Variants in PEX3 observed in about 807,000 individuals in gnomAD.
PEX3 encodes peroxin-3.
In PEX3, 30 loss-of-function variants were observed where a neutral mutation model predicts 55.8. The observed-to-expected ratio is 0.54, with a 90% confidence interval of 0.40 to 0.73. PEX3 has a LOEUF of 0.73. PEX3 is among the 30% of genes least tolerant of loss of function. The probability of loss-of-function intolerance (pLI) is 0.00; values close to 1 mark genes in which losing one functional copy is unlikely to be tolerated. For synonymous variants in PEX3, 135 were observed against 148.4 expected (o/e 0.91, Z 0.66); for missense variants, 351 against 432.8 (o/e 0.81, Z 1.68).
In PEX3 at chr6:143,471,701, A is replaced by C; in HGVS notation, c.578+90A>C. ...GTTCTAGTGAAACCAGTGACTTGAC[A>C]AACGGTGATTTGTGAAACTCTTTGT... On this transcript the variant is annotated intron_variant, in intron 7 of 11. Transcript: ENST00000367591. The surrounding 1 kb of genome is among the most constrained non-coding windows in gnomAD (Gnocchi z 5.4). The C allele has an allele frequency of 1.1e-6, 1 of 914,002 alleles. No individual in the cohort carries two copies. The highest frequency in any genetic ancestry group is 1.8e-6 in the Non-Finnish European group (1 of 546,338). 56.6% of individuals were successfully genotyped at this position (914,002 alleles called of 1,614,324 possible). A position where few individuals can be genotyped will look rare whatever the true frequency, so the allele number is the denominator to read the frequency against.
At chr6:143,467,010 A>G (rs1052361458) in intron 3 of PEX3, among the ~76,000 whole-genome samples, 7 of 152,052 alleles carry the variant, frequency 4.6e-5, no homozygotes, top group African/African-American at 1.7e-4. Flanking sequence ...TAACCTAAAT[A>G]TGATTCTTGT....
In PEX3 at chr6:143,465,326, G is replaced by T. The variant is rs1195920480; in HGVS notation, c.287+2329G>T. 6.6e-6 allele frequency among the ~76,000 whole-genome samples: 1 copy of T among 151,706 alleles called. No individual in the cohort carries two copies. The highest frequency in any genetic ancestry group is 2.4e-5 in the African/African-American group (1 of 41,324). On this transcript the variant is annotated intron_variant, in intron 3 of 11. Coordinates refer to ENST00000367591, the MANE Select transcript of PEX3 (RefSeq NM_003630.3). This position sits in a 1 kb window ranked among gnomAD's most constrained non-coding sequence, Gnocchi z 4.7. ...CAGTATTTAAAAATCTACTTTTAAG[G>T]TCTAATAATGTTAAGTGTAAACATG... is the stretch of plus-strand genomic sequence containing the variant.
intron 3 of PEX3, 30 bp from the exon 4 acceptor site, chr6:143,468,092 A>G: frequency 8.4e-7 from 1 of 1,188,632 alleles, no homozygotes; most frequent in South Asian, 1.3e-5. Flanking sequence ...CTAGATTATT[A>G]TTTTCATATT....
intron 1 of PEX3, among the ~76,000 whole-genome samples, chr6:143,456,761 T>C (rs1779850522): frequency 6.6e-6 from 1 of 152,204 alleles, no homozygotes; most frequent in South Asian, 2.1e-4. Flanking sequence ...CCAAATAAGG[T>C]CACATTCTGA....
At position 143,462,087 on chromosome 6, in the gene PEX3, T is replaced by C. The variant is rs1779927946; in HGVS notation, c.206-829T>C. Among the ~76,000 whole-genome samples, 1 of 152,250 alleles carries C rather than the reference T, an allele frequency of 6.6e-6. No individual in the cohort carries two copies. Among genetic ancestry groups the C allele is most frequent in the African/African-American group, 2.4e-5 (1 of 41,474 alleles). On this transcript the variant is annotated intron_variant, in intron 2 of 11. Transcript: ENST00000367591. The surrounding 1 kb of genome is among the most constrained non-coding windows in gnomAD (Gnocchi z 4.1). ...TCTCTAATCCCATGACAGATTCTTA[T>C]TCTCCAGCATTTCTTATTCCACATG...
chr6:143,472,312 C>T lies in PEX3; in HGVS notation c.731C>T (p.Thr244Ile). 6.2e-7 allele frequency: 1 copy of T among 1,608,652 alleles called. No homozygotes were observed. Among genetic ancestry groups the T allele is most frequent in the Non-Finnish European group, 8.5e-7 (1 of 1,175,744 alleles). ...CATTATATGATGCCAGATGAAGAAA[C>T]TCCATTAGCAGTGCAGGTGCTTAAT... is the stretch of plus-strand genomic sequence containing the variant. ...LCHYMMPDEE[T>I]PLAVQACGLS... Residue 244 changes from threonine to isoleucine, a missense_variant, in exon 8 of 12, where the codon ACT becomes ATT. Physicochemically the swap from Thr to Ile is moderately conservative, Grantham distance 89. Coordinates refer to ENST00000367591, the MANE Select transcript of PEX3 (RefSeq NM_003630.3).
At position 143,487,603 on chromosome 6, in the gene PEX3, T is replaced by C. The variant is rs908674747; in HGVS notation, c.1039-1540T>C. On this transcript the variant is annotated intron_variant, in intron 11 of 11. Transcript: ENST00000367591. This position sits in a 1 kb window ranked among gnomAD's most constrained non-coding sequence, Gnocchi z 5.3. Reference sequence around the variant, plus strand: ...TAGAATCTAAATTACAAAAAAAGATTGTTCTATAATATGGCTGACGTCTAC... The same window carrying C: ...TAGAATCTAAATTACAAAAAAAGATCGTTCTATAATATGGCTGACGTCTAC... 2.0e-5 allele frequency among the ~76,000 whole-genome samples: 3 copies of C among 152,154 alleles called. No individual in the cohort carries two copies. Among genetic ancestry groups the C allele is most frequent in the African/African-American group, 7.2e-5 (3 of 41,450 alleles).
At position 143,459,057 on chromosome 6, in the gene PEX3, G is replaced by A. The variant is rs1339888327; in HGVS notation, c.74-28G>A. 2 of 1,488,570 alleles carry A rather than the reference G, an allele frequency of 1.3e-6. No homozygotes were observed. Among genetic ancestry groups the A allele is most frequent in the Admixed American group, 1.7e-5 (1 of 59,626 alleles). 92.2% of individuals were successfully genotyped at this position (1,488,570 alleles called of 1,614,324 possible). On this transcript the variant is annotated intron_variant, in intron 1 of 11. Coordinates refer to ENST00000367591, the MANE Select transcript of PEX3 (RefSeq NM_003630.3). The surrounding 1 kb of genome is among the most constrained non-coding windows in gnomAD (Gnocchi z 4.2). Reference sequence around the variant, plus strand: ...TGTGTAGAATTTTTGGTACTCTAATGAATATAGTACTTTTTTAATGATTGT... The same window carrying A: ...TGTGTAGAATTTTTGGTACTCTAATAAATATAGTACTTTTTTAATGATTGT...
chr6:143,480,271 T>A (rs1203162767), intron 10 of PEX3, among the ~76,000 whole-genome samples: 2 of 152,206 alleles, frequency 1.3e-5, no homozygotes, highest in African/African-American at 4.8e-5. Flanking sequence ...CTCCAATTAG[T>A]AAAATTTCAC....
At position 143,462,988 on chromosome 6, in the gene PEX3, T is replaced by TA; in HGVS notation, c.284dup (p.Asn95LysfsTer50). On this transcript the variant is annotated frameshift_variant, in exon 3 of 12. Transcript: ENST00000367591. LOFTEE classifies it high-confidence loss of function. This position sits in a 1 kb window ranked among gnomAD's most constrained non-coding sequence, Gnocchi z 4.1. The stretch of plus-strand genomic sequence containing the variant: ...AATTCCGAGAGCCTCACAGCTCTGC[T>TA]AAAAAACAGGTAAATGCAAGTTACA... The TA allele has an allele frequency of 4.3e-6, 7 of 1,611,784 alleles. No individual in the cohort carries two copies. The highest frequency in any genetic ancestry group is 5.9e-6 in the Non-Finnish European group (7 of 1,177,904).
rs1033332435 is a variant in PEX3, at chr6:143,487,896, G to A, written c.1039-1247G>A. Among the ~76,000 whole-genome samples, 3 of 152,008 alleles carry A rather than the reference G, an allele frequency of 2.0e-5. No homozygotes were observed. Among genetic ancestry groups the A allele is most frequent in the Admixed American group, 6.6e-5 (1 of 15,240 alleles). The stretch of plus-strand genomic sequence containing the variant: ...AATAAGAACATAAATATAAACAAAT[G>A]CCCTAAAATCAGGAACAATAGTAGG... On this transcript the variant is annotated intron_variant, in intron 11 of 11. Transcript: ENST00000367591. This position sits in a 1 kb window ranked among gnomAD's most constrained non-coding sequence, Gnocchi z 5.3.
chr6:143,468,004 A>G (rs974984677), intron 3 of PEX3, 118 bp from the exon 4 acceptor site: 28 of 606,190 alleles, frequency 4.6e-5, no homozygotes, highest in African/African-American at 1.9e-5. Context: ...GCTTTTCTGC[A>G]GTTATGCTGT....
Position 143,471,666 on chromosome 6 carries a change from A to G in PEX3, c.578+55A>G, listed in dbSNP as rs1010089481. 1.6e-6 allele frequency: 2 copies of G among 1,255,610 alleles called. No individual in the cohort carries two copies. The highest frequency in any genetic ancestry group is 2.3e-6 in the Non-Finnish European group (2 of 854,596). The allele number at this position is 1,255,610 out of a possible 1,614,324, so 77.8% of individuals were successfully genotyped here. On this transcript the variant is annotated intron_variant, in intron 7 of 11. Transcript: ENST00000367591. The surrounding 1 kb of genome is among the most constrained non-coding windows in gnomAD (Gnocchi z 5.4). Reference sequence around the variant, plus strand: ...TTCTTGATTCTAATGAGTGAAAGAAAATTAGAATTGTTCTAGTGAAACCAG... The same window carrying G: ...TTCTTGATTCTAATGAGTGAAAGAAGATTAGAATTGTTCTAGTGAAACCAG...
rs1780001515 is a variant in PEX3, at chr6:143,466,994, T to C, written c.288-1128T>C. ...GTCCAAAAATATATAGTACCATAAA[T>C]CAAATTAACCTAAATATGATTCTTG... is the stretch of plus-strand genomic sequence containing the variant. On this transcript the variant is annotated intron_variant, in intron 3 of 11. Transcript: ENST00000367591. The surrounding 1 kb of genome is among the most constrained non-coding windows in gnomAD (Gnocchi z 5.4). Among the ~76,000 whole-genome samples the C allele has an allele frequency of 6.6e-6, 1 of 151,978 alleles. No homozygotes were observed. Among genetic ancestry groups the C allele is most frequent in the South Asian group, 2.1e-4 (1 of 4,828 alleles).
At position 143,483,962 on chromosome 6, in the gene PEX3, C is replaced by T. The variant is rs1042225890; in HGVS notation, c.942-1190C>T. ...AAAGGTACCATGAAAAAAAAAATGC[C>T]TGCTTCCCTCAGGAATACATAAATC... On this transcript the variant is annotated intron_variant, in intron 10 of 11. Transcript: ENST00000367591. The surrounding 1 kb of genome is among the most constrained non-coding windows in gnomAD (Gnocchi z 4.3). 6.6e-6 allele frequency among the ~76,000 whole-genome samples: 1 copy of T among 151,854 alleles called. No individual in the cohort carries two copies.
At position 143,482,630 on chromosome 6, in the gene PEX3, G is replaced by A. The variant is rs1780257109; in HGVS notation, c.942-2522G>A. The stretch of plus-strand genomic sequence containing the variant: ...TTTTCCTATATAATATATAATATAA[G>A]GTATAATTATTGTTACTCATAAAAT... On this transcript the variant is annotated intron_variant, in intron 10 of 11. Coordinates refer to ENST00000367591, the MANE Select transcript of PEX3 (RefSeq NM_003630.3). The surrounding 1 kb of genome is among the most constrained non-coding windows in gnomAD (Gnocchi z 5.5). Among the ~76,000 whole-genome samples, 1 of 151,570 alleles carries A rather than the reference G, an allele frequency of 6.6e-6. No individual in the cohort carries two copies. The highest frequency in any genetic ancestry group is 2.4e-5 in the African/African-American group (1 of 41,262).
In PEX3 at chr6:143,479,134, G is replaced by C. The variant is rs781311884; in HGVS notation, c.877G>C (p.Asp293His). 4 of 1,597,516 alleles carry C rather than the reference G, an allele frequency of 2.5e-6. No homozygotes were observed. Among genetic ancestry groups the C allele is most frequent in the Non-Finnish European group, 2.6e-6 (3 of 1,165,168 alleles). ...AAACCGAGGTTTTAGTAGACTTCTA[G>C]ACAATATGGCTGAGTTCTTTCGACC... Reference protein sequence around the residue: ...CLNRGFSRLLDNMAEFFRPTE... With the variant: ...CLNRGFSRLLHNMAEFFRPTE... The change falls in exon 10 of 12, where the codon GAC (aspartate) becomes CAC (histidine). Residue 293 changes from aspartate to histidine, a missense_variant. Transcript: ENST00000367591. This position sits in a 1 kb window ranked among gnomAD's most constrained non-coding sequence, Gnocchi z 4.6.
chr6:143,474,500 C>T (rs1415750290), intron 8 of PEX3, among the ~76,000 whole-genome samples: 1 of 151,674 alleles, frequency 6.6e-6, no homozygotes, highest in Non-Finnish European at 1.5e-5. Flanking sequence ...AACTCAAAAC[C>T]TATTTCTTCT....
rs1780249569 is a variant in PEX3 at position 143,482,071 on chromosome 6, T to G, written c.941+2873T>G. Among the ~76,000 whole-genome samples, 1 of 152,142 alleles carries G rather than the reference T, an allele frequency of 6.6e-6. No homozygotes were observed. Among genetic ancestry groups the G allele is most frequent in the Non-Finnish European group, 1.5e-5 (1 of 68,020 alleles). On this transcript the variant is annotated intron_variant, in intron 10 of 11. Transcript: ENST00000367591. This position sits in a 1 kb window ranked among gnomAD's most constrained non-coding sequence, Gnocchi z 5.5. ...AAGTTCAAAAACAGTATAAAGATGG[T>G]CACTATTGACAGATTATTCAGCATC...
Sources: gnomAD v4.1 joint callset for allele counts (sites outside exome capture counted in the v4.1 genomes callset) on GRCh38, gnomAD v4.1.1 for gene constraint, Gnocchi (gnomAD v3.1) non-coding constraint, MANE v1.5 for transcripts, NCBI Gene and HGNC (gene_info 2026-07-23, HGNC 2026-07-21) for gene names.